SLC5A12: variants seen among roughly 807,000 people sequenced by gnomAD.
SLC5A12 encodes the protein sodium-coupled monocarboxylate transporter 2.
Under a neutral mutation model 72.7 loss-of-function variants are expected in SLC5A12, and 46 were observed. The observed-to-expected ratio is 0.63, with a 90% CI of 0.50 to 0.81. The LOEUF (loss-of-function observed/expected upper bound fraction) is 0.81, where lower values mean the gene tolerates loss of function less well. Ranked by LOEUF, SLC5A12 falls within the 30% of genes least tolerant of loss-of-function variation. The pLI, the probability that SLC5A12 is intolerant of heterozygous loss-of-function variation, is 0.00. For missense variants in SLC5A12, 683 were observed against 740.7 expected (o/e 0.92, Z 0.90); for synonymous variants, 275 against 264.4 (o/e 1.04, Z -0.39).
Position 26,709,358 on chromosome 11 carries a change from C to G in SLC5A12, c.479G>C (p.Gly160Ala), listed in dbSNP as rs993617667. 3.1e-6 allele frequency: 5 copies of G among 1,611,008 alleles called. No individual in the cohort carries two copies. Among genetic ancestry groups the G allele is most frequent in the Non-Finnish European group, 3.4e-6 (4 of 1,178,360 alleles). Residue 160 changes from glycine to alanine, a missense_variant, in exon 4 of 15, where the codon GGC (glycine) becomes GCC (alanine). Coordinates refer to ENST00000396005, the MANE Select transcript of SLC5A12 (RefSeq NM_178498.4). ...LNQVTGFDLWGSVFATGIVCT... is the reference protein window; with the variant it reads ...LNQVTGFDLWASVFATGIVCT... ...AACAATTCCTGTTGCAAACACAGAG[C>G]CCCAGAGATCAAACCCAGTCACTAG...
intron 12 of SLC5A12, among the ~76,000 whole-genome samples, chr11:26,679,840 G>A (rs1236896445): frequency 1.3e-5 from 2 of 152,108 alleles, no homozygotes; most frequent in Non-Finnish European, 2.9e-5. Context: ...TCATCTCCAT[G>A]TGGTAGTAAT....
rs190479050 is a variant in SLC5A12 at position 26,671,087 on chromosome 11, C to G, written c.*15G>C. On this transcript the variant is annotated 3_prime_UTR_variant, in exon 15 of 15. Coordinates refer to ENST00000396005, the MANE Select transcript of SLC5A12 (RefSeq NM_178498.4). ...TGTATTGCACGTGTGTGTGTGCATT[C>G]ATACAGGTATTGCCTTAGAAATGGG... The G allele has an allele frequency of 5.8e-6, 9 of 1,558,140 alleles. No individual in the cohort carries two copies. The African/African-American group carries it at 1.2e-4, about 21-fold the overall frequency.
intron 13 of SLC5A12, among the ~76,000 whole-genome samples, chr11:26,674,469 G>A (rs898837381): frequency 1.3e-5 from 2 of 151,862 alleles, no homozygotes; most frequent in Admixed American, 6.6e-5. Context: ...GCATGATCTC[G>A]GCTCAATGCA....
At chr11:26,716,620 C>T (rs1369274241) in intron 1 of SLC5A12, among the ~76,000 whole-genome samples, 1 of 152,160 alleles carries the variant, frequency 6.6e-6, no homozygotes, top group Non-Finnish European at 1.5e-5. Context: ...TTTTCCATCT[C>T]AGGAAATACC....
chr11:26,698,201 G>C (rs1565194980), intron 7 of SLC5A12, among the ~76,000 whole-genome samples: 1 of 151,976 alleles, frequency 6.6e-6, no homozygotes, highest in Non-Finnish European at 1.5e-5. Context: ...CCTGGCCAAG[G>C]TGCCCTCTTT....
intron 13 of SLC5A12, 24 bp downstream of exon 13, chr11:26,678,688 C>G: frequency 6.4e-7 from 1 of 1,572,704 alleles, no homozygotes; most frequent in Non-Finnish European, 8.7e-7. Context: ...TTCTTTAGTC[C>G]CAAAGGGAGG....
intron 14 of SLC5A12, among the ~76,000 whole-genome samples, chr11:26,672,617 C>T (rs1418328871): frequency 6.6e-6 from 1 of 152,100 alleles, no homozygotes; most frequent in African/African-American, 2.4e-5. Flanking sequence ...CATGTTCTTC[C>T]TCCCTCTTGT....
At position 26,669,402 on chromosome 11, in the gene SLC5A12, G is replaced by T. The variant is rs191187730; in HGVS notation, c.*1700C>A. 1 of 151,784 alleles carries T rather than the reference G, an allele frequency of 6.6e-6. No individual in the cohort carries two copies. The highest frequency in any genetic ancestry group is 6.6e-5 in the Admixed American group (1 of 15,190). The allele number at this position is 151,784 out of a possible 1,614,324, so 9.4% of individuals were successfully genotyped here. A position where few individuals can be genotyped will look rare whatever the true frequency, so the allele number is the denominator to read the frequency against. On this transcript the variant is annotated 3_prime_UTR_variant, in exon 15 of 15. Transcript: ENST00000396005. Reference sequence around the variant, plus strand: ...TCCTTAGATCAACAGCTTAATTAGCGTTGCCAGACTTTAAAAAATGTTTCC... The same window carrying T: ...TCCTTAGATCAACAGCTTAATTAGCTTTGCCAGACTTTAAAAAATGTTTCC...
intron 14 of SLC5A12, 119 bp from the exon 15 acceptor site, chr11:26,671,370 T>A: frequency 1.6e-4 from 112 of 700,624 alleles, no homozygotes; most frequent in Middle Eastern, 8.0e-4. Context: ...AAAAGAAGCA[T>A]AAACAACTCT....
intron 1 of SLC5A12, among the ~76,000 whole-genome samples, chr11:26,714,568 T>C (rs1855305487): frequency 1.3e-5 from 2 of 152,266 alleles, no homozygotes; most frequent in African/African-American, 4.8e-5. Context: ...TAAACATGTA[T>C]TGAATAAACA....
chr11:26,683,648 C>A, intron 11 of SLC5A12, 109 bp downstream of exon 11: 2 of 837,262 alleles, frequency 2.4e-6, no homozygotes, highest in Admixed American at 2.4e-5. Flanking sequence ...GCTGTGGATT[C>A]TTTTCCTGGC....
rs751762298 is a variant in SLC5A12, at chr11:26,669,195, C to CTT, written c.*1905_*1906dup. On this transcript the variant is annotated 3_prime_UTR_variant, in exon 15 of 15. Transcript: ENST00000396005. ...TCTTTCTTTCTTTCTTCTTTTCTTT[C>CTT]TTTCTTTCTTTCTTTCTTTCTTTCT... 1 of 69,770 alleles carries CTT rather than the reference C, an allele frequency of 1.4e-5. No homozygotes were observed. Among genetic ancestry groups the CTT allele is most frequent in the African/African-American group, 3.8e-5 (1 of 26,052 alleles). The allele number at this position is 69,770 out of a possible 1,614,324, so 4.3% of individuals were successfully genotyped here. A position where few individuals can be genotyped will look rare whatever the true frequency, so the allele number is the denominator to read the frequency against.
chr11:26,678,829 C>T lies in SLC5A12; in HGVS notation c.1476-14G>A. 6.4e-7 allele frequency: 1 copy of T among 1,562,032 alleles called. No individual in the cohort carries two copies. Among genetic ancestry groups the T allele is most frequent in the Non-Finnish European group, 8.8e-7 (1 of 1,136,440 alleles). ...GCTATTCCAGGTCTGTGGAGAACAGCACATGTCACCAATTCCATGCATCCT... is the reference window on the plus strand; with the variant it reads ...GCTATTCCAGGTCTGTGGAGAACAGTACATGTCACCAATTCCATGCATCCT... On this transcript the variant is annotated splice_polypyrimidine_tract_variant and intron_variant, in intron 12 of 14. Coordinates refer to ENST00000396005, the MANE Select transcript of SLC5A12 (RefSeq NM_178498.4).
Position 26,697,892 on chromosome 11 carries a change from C to CTTTTT in SLC5A12, c.951+509_951+513dup, listed in dbSNP as rs34284911. On this transcript the variant is annotated intron_variant, in intron 7 of 14. Transcript: ENST00000396005. Reference sequence around the variant, plus strand: ...CTTTAAGAACAAGGTGAGATGCCGTCTTTTTTTTTTTTTTTTTTTTTTGAG... The same window carrying CTTTTT: ...CTTTAAGAACAAGGTGAGATGCCGTCTTTTTTTTTTTTTTTTTTTTTTTTTTTGAG... Among the ~76,000 whole-genome samples, 129 of 93,978 alleles carry CTTTTT rather than the reference C, an allele frequency of 1.4e-3. 3 individuals are homozygous for CTTTTT. The highest frequency in any genetic ancestry group is 3.8e-3 in the African/African-American group (87 of 23,150). 61.7% of individuals were successfully genotyped at this position (93,978 alleles called of 152,430 possible).
chr11:26,695,848 C>T (rs1854797370), intron 8 of SLC5A12, among the ~76,000 whole-genome samples: 1 of 152,180 alleles, frequency 6.6e-6, no homozygotes, highest in Non-Finnish European at 1.5e-5. Context: ...CTCATCCCCA[C>T]CTGCTCTCCT....
At chr11:26,683,295 A>G (rs1854451098) in intron 11 of SLC5A12, among the ~76,000 whole-genome samples, 1 of 152,218 alleles carries the variant, frequency 6.6e-6, no homozygotes, top group African/African-American at 2.4e-5. Context: ...TCCAGCTGTC[A>G]GAACCCAAGT....
intron 8 of SLC5A12, among the ~76,000 whole-genome samples, chr11:26,696,564 A>T (rs182783968): frequency 6.6e-5 from 10 of 152,368 alleles, no homozygotes; most frequent in Admixed American, 1.3e-4. Context: ...CCTAGGGTAT[A>T]CGGTATAGCC....
At chr11:26,717,683 A>C (rs1855383189) in intron 1 of SLC5A12, among the ~76,000 whole-genome samples, 1 of 152,178 alleles carries the variant, frequency 6.6e-6, no homozygotes, top group Non-Finnish European at 1.5e-5. Flanking sequence ...TCAAAAACCA[A>C]AAATTTATTA....
chr11:26,685,440 C>T (rs34570068), intron 10 of SLC5A12, among the ~76,000 whole-genome samples: 4 of 151,558 alleles, frequency 2.6e-5, no homozygotes, highest in Non-Finnish European at 4.4e-5. Context: ...GCAAATATGG[C>T]GAAACTCCAT....
Sources: allele counts gnomAD v4.1 joint callset (sites outside exome capture counted in the v4.1 genomes callset), GRCh38; gene constraint gnomAD v4.1.1; transcripts MANE v1.5; gene names NCBI Gene and HGNC (gene_info 2026-07-23, HGNC 2026-07-21).